USP7: variants seen among roughly 807,000 people sequenced by gnomAD.
USP7 encodes ubiquitin C-terminal hydrolase 7.
USP7 carries 9 observed loss-of-function variants against 162.9 expected under a neutral mutation model. That is an observed-to-expected ratio of 0.06 (90% CI 0.03 to 0.10). The LOEUF (loss-of-function observed/expected upper bound fraction) is 0.10. USP7 is among the 10% of genes least tolerant of loss of function. USP7 has a pLI of 1.00. For synonymous variants in USP7, 562 were observed against 475.9 expected, an observed-to-expected ratio of 1.18 and a Z score of -2.35; for missense variants, 715 against 1,373.7, an observed-to-expected ratio of 0.52 and a Z score of 7.58.
chr16:8,901,172 G>A lies in USP7; in HGVS notation c.2110C>T (p.His704Tyr). The A allele has an allele frequency of 6.2e-7, 1 of 1,612,906 alleles. No homozygotes were observed. The highest frequency in any genetic ancestry group is 8.5e-7 in the Non-Finnish European group (1 of 1,179,486). Residue 704 changes from histidine (H) to tyrosine (Y), a missense_variant, in exon 19 of 31, where the codon CAT becomes TAT. By Grantham distance (83) the His-to-Tyr change is moderately conservative. This residue lies in a region of USP7 where 197 missense variants were observed against 306.5 expected (regional missense o/e 0.64). Transcript: ENST00000344836. ...TTACAGGATATTGGTGTGTAGATAT[G>A]CCCACAGTAATTCAAGCTCCGCGTT... is the stretch of plus-strand genomic sequence containing the variant. ...PKTRSLNYCG[H>Y]IYTPISCKIR...
chr16:8,916,071 G>A (rs369790846), intron 8 of USP7, among the ~76,000 whole-genome samples: 20 of 152,300 alleles, frequency 1.3e-4, no homozygotes, highest in African/African-American at 4.6e-4. Flanking sequence ...TAGTGATGGC[G>A]CGGGGAGAGT....
chr16:8,936,900 A>G lies in USP7; in HGVS notation c.80-6503T>C, dbSNP rs539979567. On this transcript the variant is annotated intron_variant, in intron 1 of 30. Coordinates refer to ENST00000344836, the MANE Select transcript of USP7 (RefSeq NM_003470.3). Reference sequence around the variant, plus strand: ...AATGCCAGTTCCTTGGCTGTGACAAATCTGGTTTAAAACACTGTATCAAAC... The same window carrying G: ...AATGCCAGTTCCTTGGCTGTGACAAGTCTGGTTTAAAACACTGTATCAAAC... 2.6e-5 allele frequency among the ~76,000 whole-genome samples: 4 copies of G among 152,310 alleles called. No homozygotes were observed. The South Asian group carries it at 6.2e-4, about 24-fold the overall frequency.
chr16:8,920,259 A>C, intron 5 of USP7, 100 bp downstream of exon 5: 1 of 1,020,924 alleles, frequency 9.8e-7, no homozygotes, highest in Non-Finnish European at 1.5e-6. Context: ...GAGGAGGCTT[A>C]CTGATTAAAT....
chr16:8,930,751 C>G (rs534491315), intron 1 of USP7, among the ~76,000 whole-genome samples: 2 of 152,174 alleles, frequency 1.3e-5, no homozygotes, highest in Non-Finnish European at 2.9e-5. Flanking sequence ...GACAGATCAC[C>G]TGAGGCCAGG....
At chr16:8,949,018 T>C (rs1053633037) in intron 1 of USP7, among the ~76,000 whole-genome samples, 3 of 152,218 alleles carry the variant, frequency 2.0e-5, no homozygotes, top group Non-Finnish European at 2.9e-5. Context: ...GGCAAATCCA[T>C]AGATTAGTGG....
chr16:8,899,761 G>T lies in USP7; in HGVS notation c.2310-4C>A. The T allele has an allele frequency of 3.1e-6, 5 of 1,614,192 alleles. No homozygotes were observed. The highest frequency in any genetic ancestry group is 4.2e-6 in the Non-Finnish European group (5 of 1,180,022). ...GTTATCATTTTCAGGGTCATCCCTG[G>T]TGGAGGGAGAAAGTTTGCAGTCTGA... On this transcript the variant is annotated splice_polypyrimidine_tract_variant and splice_region_variant and intron_variant, in intron 21 of 30. Coordinates refer to ENST00000344836, the MANE Select transcript of USP7 (RefSeq NM_003470.3).
chr16:8,938,643 C>G (rs1468875710), intron 1 of USP7, among the ~76,000 whole-genome samples: 1 of 150,548 alleles, frequency 6.6e-6, no homozygotes, highest in South Asian at 2.1e-4. Flanking sequence ...ACCTGGGAAG[C>G]AGAGTTGCAG....
At chr16:8,914,019 T>C (rs768033800) in intron 10 of USP7, among the ~76,000 whole-genome samples, 3 of 152,094 alleles carry the variant, frequency 2.0e-5, no homozygotes, top group Non-Finnish European at 4.4e-5. Context: ...ATTACAGGCA[T>C]GAGCGACCAC....
intron 13 of USP7, among the ~76,000 whole-genome samples, chr16:8,906,216 C>T (rs1338842393): frequency 6.6e-6 from 1 of 152,226 alleles, no homozygotes; most frequent in Non-Finnish European, 1.5e-5. Context: ...ACATTGATTA[C>T]TCACAAAGAG....
intron 1 of USP7, among the ~76,000 whole-genome samples, chr16:8,948,991 AT>A (rs1486379178): frequency 6.6e-6 from 1 of 152,146 alleles, no homozygotes; most frequent in Non-Finnish European, 1.5e-5. Flanking sequence ...TACACAGTCT[AT>A]GAAATGTCTA....
chr16:8,916,969 T>A (rs1165433048), intron 7 of USP7, 57 bp downstream of exon 7: 10 of 1,295,442 alleles, frequency 7.7e-6, no homozygotes, highest in African/African-American at 4.8e-5. Context: ...TCACTTGTCC[T>A]AAAAAAAAAA....
chr16:8,901,370 G>C (rs1244088870), intron 18 of USP7, 136 bp from the exon 19 acceptor site: 1 of 651,826 alleles, frequency 1.5e-6, no homozygotes, highest in Non-Finnish European at 2.6e-6. Context: ...TGAAATGACA[G>C]CTTAAGGTAC....
chr16:8,947,481 T>G (rs916932725), intron 1 of USP7, among the ~76,000 whole-genome samples: 5 of 152,026 alleles, frequency 3.3e-5, no homozygotes, highest in Non-Finnish European at 7.4e-5. Flanking sequence ...CCTGATTAGC[T>G]GGACTACAGA....
At chr16:8,924,363 A>C (rs536418992) in intron 2 of USP7, among the ~76,000 whole-genome samples, 2 of 152,252 alleles carry the variant, frequency 1.3e-5, no homozygotes, top group African/African-American at 4.8e-5. Context: ...ACAAGCTTCT[A>C]AACGCTTCCT....
At chr16:8,918,996 C>T (rs368126122) in intron 6 of USP7, 35 bp downstream of exon 6, 28 of 1,602,812 alleles carry the variant, frequency 1.7e-5, no homozygotes, top group Admixed American at 3.3e-5. Flanking sequence ...AAAGGGTGAG[C>T]GGAAGGCTGC....
At chr16:8,913,041 G>T (rs1056634242) in intron 10 of USP7, among the ~76,000 whole-genome samples, 10 of 151,874 alleles carry the variant, frequency 6.6e-5, no homozygotes, top group Admixed American at 6.6e-4. Flanking sequence ...CTGAAAACCA[G>T]TGAGAAGGAA....
rs536389614 is a variant in USP7, at chr16:8,956,301, T to C, written c.79+6906A>G. 3.3e-5 allele frequency: 5 copies of C among 152,332 alleles called. 1 individual carries two copies. The South Asian group carries it at 1.0e-3, about 32-fold the overall frequency. 9.4% of individuals were successfully genotyped at this position (152,332 alleles called of 1,614,324 possible). On this transcript the variant is annotated intron_variant, in intron 1 of 30. Coordinates refer to ENST00000344836, the MANE Select transcript of USP7 (RefSeq NM_003470.3). ...ATTCTCAATGACCCAAAGAGAATGA[T>C]CACCACCTTGAGAATGGGCCACAGC... is the stretch of plus-strand genomic sequence containing the variant.
intron 22 of USP7, 78 bp from the exon 23 acceptor site, chr16:8,899,266 A>T: frequency 7.0e-7 from 1 of 1,433,962 alleles, no homozygotes; most frequent in Non-Finnish European, 9.8e-7. Flanking sequence ...AATTACTTAA[A>T]ATGTGCCATG....
intron 21 of USP7, 68 bp downstream of exon 21, chr16:8,900,462 T>C (rs1478719508): frequency 4.1e-6 from 5 of 1,214,738 alleles, no homozygotes; most frequent in African/African-American, 1.6e-5. Context: ...CAAATGTTTC[T>C]TGGTTCTACA....
Sources: gnomAD v4.1 joint callset for allele counts (sites outside exome capture counted in the v4.1 genomes callset) on GRCh38, gnomAD v4.1.1 for gene constraint, gnomAD v4.1.1 regional missense constraint, MANE v1.5 for transcripts, NCBI Gene and HGNC (gene_info 2026-07-23, HGNC 2026-07-21) for gene names.